ATP8A1: variants seen among roughly 807,000 people sequenced by gnomAD.
ATP8A1 encodes phospholipid-transporting ATPase IA.
ATP8A1 carries 90 observed loss-of-function variants against 177.7 expected under a neutral mutation model. The ratio of observed to expected loss-of-function variants is 0.51; its 90% CI spans 0.43 to 0.60. The LOEUF (loss-of-function observed/expected upper bound fraction) is 0.60, where lower values mean the gene tolerates loss of function less well. Among genes scored for constraint, ATP8A1 ranks in the 20% least tolerant of loss-of-function variants. ATP8A1 has a pLI of 0.00. For missense variants in ATP8A1, 1,072 were observed against 1,392.8 expected (o/e 0.77, Z 3.67); for synonymous variants, 493 against 485.9 (o/e 1.01, Z -0.19).
intron 1 of ATP8A1, among the ~76,000 whole-genome samples, chr4:42,631,526 C>A (rs964506275): frequency 1.3e-4 from 20 of 152,300 alleles, no homozygotes; most frequent in African/African-American, 4.8e-4. Flanking sequence ...CAGCCTGATG[C>A]AACCAATCCT....
At chr4:42,483,512 G>C (rs1476011831) in intron 25 of ATP8A1, among the ~76,000 whole-genome samples, 1 of 152,126 alleles carries the variant, frequency 6.6e-6, no homozygotes, top group Non-Finnish European at 1.5e-5. Context: ...CAGTTTCAGA[G>C]CTGAGCCGCA....
At chr4:42,448,617 C>T (rs1325385138) in intron 30 of ATP8A1, among the ~76,000 whole-genome samples, 7 of 151,174 alleles carry the variant, frequency 4.6e-5, no homozygotes, top group East Asian at 1.9e-4. Flanking sequence ...AGGCTGGTCT[C>T]GAACTCCTGA....
intron 25 of ATP8A1, among the ~76,000 whole-genome samples, chr4:42,481,270 T>C (rs1306872495): frequency 1.3e-5 from 2 of 152,000 alleles, no homozygotes; most frequent in Non-Finnish European, 2.9e-5. Context: ...CTATGAGAGG[T>C]CCTCTGGCCC....
chr4:42,588,933 C>G (rs1364014481), intron 7 of ATP8A1, among the ~76,000 whole-genome samples: 2 of 152,220 alleles, frequency 1.3e-5, no homozygotes, highest in East Asian at 3.8e-4. Flanking sequence ...GTTTTCCACT[C>G]CTGCTCTCCT....
At chr4:42,530,039 C>T (rs534471096) in intron 20 of ATP8A1, among the ~76,000 whole-genome samples, 6 of 152,186 alleles carry the variant, frequency 3.9e-5, no homozygotes, top group South Asian at 4.1e-4. Flanking sequence ...TGCTCACCAA[C>T]GGGTAATCTC....
At chr4:42,576,833 G>A (rs1224699209) in intron 12 of ATP8A1, among the ~76,000 whole-genome samples, 2 of 152,208 alleles carry the variant, frequency 1.3e-5, no homozygotes, top group Non-Finnish European at 2.9e-5. Context: ...CACATGAACT[G>A]AAGGACAACA....
intron 24 of ATP8A1, among the ~76,000 whole-genome samples, chr4:42,500,279 C>A (rs567732774): frequency 6.6e-6 from 1 of 152,080 alleles, no homozygotes; most frequent in East Asian, 1.9e-4. Context: ...TCAGGAGAAT[C>A]GCTTGAACCC....
chr4:42,562,548 G>A (rs1244097893), intron 15 of ATP8A1: 1 of 152,234 alleles, frequency 6.6e-6, no homozygotes, highest in African/African-American at 2.4e-5. Context: ...CCAAAAATAT[G>A]AGCAAGTGAT....
At chr4:42,653,814 T>C (rs1560568360) in intron 1 of ATP8A1, among the ~76,000 whole-genome samples, 1 of 152,246 alleles carries the variant, frequency 6.6e-6, no homozygotes, top group Non-Finnish European at 1.5e-5. Context: ...GGCAGTAATC[T>C]ACCTATCCAA....
chr4:42,487,725 G>C (rs562273036), intron 24 of ATP8A1, among the ~76,000 whole-genome samples: 178 of 152,262 alleles, frequency 1.2e-3, no homozygotes, highest in African/African-American at 4.1e-3. Flanking sequence ...ATTTTTGAAA[G>C]TGTTTTTACA....
At chr4:42,601,186 C>T (rs1452050154) in intron 5 of ATP8A1, among the ~76,000 whole-genome samples, 3 of 151,756 alleles carry the variant, frequency 2.0e-5, no homozygotes, top group African/African-American at 7.3e-5. Context: ...CAGGCATGCA[C>T]CACCATGTGT....
At chr4:42,536,035 A>C (rs1727792428) in intron 20 of ATP8A1, among the ~76,000 whole-genome samples, 1 of 152,196 alleles carries the variant, frequency 6.6e-6, no homozygotes, top group African/African-American at 2.4e-5. Context: ...AGACAATCTA[A>C]GGTCACACCT....
chr4:42,596,615 C>T (rs1017338022), intron 6 of ATP8A1, among the ~76,000 whole-genome samples: 6 of 142,124 alleles, frequency 4.2e-5, no homozygotes, highest in Admixed American at 7.6e-5. Context: ...TGCAGTGAGC[C>T]GAGATTGCGC....
chr4:42,472,052 T>G (rs983032759), intron 25 of ATP8A1: 6 of 721,084 alleles, frequency 8.3e-6, no homozygotes, highest in Admixed American at 1.8e-5. Flanking sequence ...GGCTAGTACG[T>G]GAATTGGAGA....
At chr4:42,472,123 C>G (rs1720490212) in intron 25 of ATP8A1, 11 of 670,490 alleles carry the variant, frequency 1.6e-5, no homozygotes, top group South Asian at 1.4e-4. Context: ...CCTAAGCCAG[C>G]TTGAAAAAGC....
chr4:42,581,591 T>C, intron 10 of ATP8A1, 30 bp downstream of exon 10: 1 of 1,511,392 alleles, frequency 6.6e-7, no homozygotes, highest in Admixed American at 1.7e-5. Flanking sequence ...AAGCCTTAGG[T>C]CCAAAAGGTT....
intron 25 of ATP8A1, among the ~76,000 whole-genome samples, chr4:42,476,483 G>A (rs1440351664): frequency 6.6e-6 from 1 of 152,000 alleles, no homozygotes; most frequent in African/African-American, 2.4e-5. Flanking sequence ...GCCATGCGTG[G>A]TGGTGGATGC....
chr4:42,600,386 C>T, intron 6 of ATP8A1, 92 bp downstream of exon 6: 1 of 970,142 alleles, frequency 1.0e-6, no homozygotes, highest in Non-Finnish European at 1.4e-6. Flanking sequence ...TAAAATTCTT[C>T]ACATTTGCTC....
intron 24 of ATP8A1, among the ~76,000 whole-genome samples, chr4:42,495,902 A>G (rs10034756): frequency 0.85 from 129,827 of 152,140 alleles, 56,489 homozygotes; most frequent in East Asian, 0.97. Flanking sequence ...ATGCTTTGCT[A>G]ATACACAAAT....
Sources: gnomAD v4.1 joint callset for allele counts (sites outside exome capture counted in the v4.1 genomes callset) on GRCh38, gnomAD v4.1.1 for gene constraint, MANE v1.5 for transcripts, NCBI Gene and HGNC (gene_info 2026-07-23, HGNC 2026-07-21) for gene names.